NAV2: variants seen among roughly 807,000 people sequenced by gnomAD.
NAV2 encodes helicase, APC down-regulated 1.
NAV2 carries 54 observed loss-of-function variants against 223.2 expected under a neutral mutation model. The observed-to-expected ratio is 0.24, with a 90% CI of 0.19 to 0.30. The LOEUF is 0.30. NAV2 is among the 10% of genes least tolerant of loss of function. The pLI is 1.00. For missense variants in NAV2, 2,806 were observed against 3,147.5 expected (o/e 0.89, Z 2.60); for synonymous variants, 1,279 against 1,239.3 (o/e 1.03, Z -0.67).
intron 1 of NAV2, among the ~76,000 whole-genome samples, chr11:19,481,876 C>G (rs776974405): frequency 6.6e-6 from 1 of 152,196 alleles, no homozygotes; most frequent in African/African-American, 2.4e-5. Flanking sequence ...TGGAATCTAT[C>G]CCTTACTGAA....
chr11:19,773,300 G>T (rs918660891), intron 1 of NAV2, among the ~76,000 whole-genome samples: 4 of 152,188 alleles, frequency 2.6e-5, no homozygotes, highest in Non-Finnish European at 5.9e-5. Flanking sequence ...TGGAACAGAG[G>T]ACACCACTCA....
intron 1 of NAV2, among the ~76,000 whole-genome samples, chr11:19,397,707 G>A (rs1260764252): frequency 6.6e-6 from 1 of 152,164 alleles, no homozygotes; most frequent in East Asian, 1.9e-4. Flanking sequence ...ACAGAGAAAA[G>A]ATCAGCTCTT....
intron 5 of NAV2, among the ~76,000 whole-genome samples, chr11:19,881,068 C>CA (rs2063175382): frequency 6.6e-6 from 1 of 152,112 alleles, no homozygotes; most frequent in African/African-American, 2.4e-5. Context: ...TAAGGCTTCT[C>CA]ACACACCTTG....
At chr11:19,669,266 T>G (rs58648675) in intron 1 of NAV2, among the ~76,000 whole-genome samples, 1,566 of 152,316 alleles carry the variant, frequency 0.01, 35 homozygotes, top group East Asian at 0.068. Context: ...GCACTGTCAC[T>G]CCAGTGTTCT....
intron 1 of NAV2, among the ~76,000 whole-genome samples, chr11:19,807,020 A>C (rs919454719): frequency 2.6e-5 from 4 of 152,184 alleles, no homozygotes; most frequent in African/African-American, 9.7e-5. Context: ...TGTTTCTTAA[A>C]AGCTCCCCCA....
chr11:19,774,612 A>G (rs2055992402), intron 1 of NAV2, among the ~76,000 whole-genome samples: 1 of 152,178 alleles, frequency 6.6e-6, no homozygotes, highest in African/African-American at 2.4e-5. Flanking sequence ...ACACACACAT[A>G]CACACAGAGA....
chr11:20,068,821 A>G (rs1259104031), intron 22 of NAV2, among the ~76,000 whole-genome samples: 1 of 152,186 alleles, frequency 6.6e-6, no homozygotes. Context: ...TGTCATTGTG[A>G]TATACACGAT....
intron 1 of NAV2, among the ~76,000 whole-genome samples, chr11:19,761,965 G>A (rs920921477): frequency 6.6e-6 from 1 of 152,214 alleles, no homozygotes; most frequent in African/African-American, 2.4e-5. Context: ...AAATCTGGCT[G>A]GGTGCAGTGG....
intron 1 of NAV2, among the ~76,000 whole-genome samples, chr11:19,618,404 G>GAATA (rs1253231516): frequency 8.9e-4 from 33 of 37,082 alleles, no homozygotes; most frequent in South Asian, 2.3e-3. Flanking sequence ...ATGAATAGAT[G>GAATA]GATGGATGGA....
intron 1 of NAV2, among the ~76,000 whole-genome samples, chr11:19,406,729 C>A (rs576550856): frequency 6.6e-6 from 1 of 152,320 alleles, no homozygotes; most frequent in South Asian, 2.1e-4. Flanking sequence ...GGCTTCCCTG[C>A]CCCATCTCCC....
At chr11:20,096,313 T>G (rs1312742037) in intron 30 of NAV2, among the ~76,000 whole-genome samples, 2 of 152,224 alleles carry the variant, frequency 1.3e-5, no homozygotes, top group Non-Finnish European at 2.9e-5. Context: ...TTAGATTGGG[T>G]GTTTGCCATG....
intron 1 of NAV2, among the ~76,000 whole-genome samples, chr11:19,661,468 T>A (rs947691658): frequency 6.6e-6 from 1 of 152,178 alleles, no homozygotes; most frequent in Non-Finnish European, 1.5e-5. Flanking sequence ...CCTGGGTTTT[T>A]CTGTTTGTAC....
chr11:20,010,308 A>G (rs2053459879), intron 11 of NAV2, among the ~76,000 whole-genome samples: 1 of 152,084 alleles, frequency 6.6e-6, no homozygotes, highest in African/African-American at 2.4e-5. Context: ...CAGACCTTTG[A>G]TTTAGAGACT....
intron 1 of NAV2, among the ~76,000 whole-genome samples, chr11:19,807,433 T>C (rs2058632645): frequency 6.6e-6 from 1 of 152,212 alleles, no homozygotes; most frequent in African/African-American, 2.4e-5. Context: ...TGGGCCTTTC[T>C]TTTTTGGGGC....
In NAV2 at chr11:19,781,219, T is replaced by G. The variant is rs1565305691; in HGVS notation, c.268-51265T>G. Among the ~76,000 whole-genome samples the G allele has an allele frequency of 2.0e-5, 3 of 152,336 alleles. No individual in the cohort carries two copies. The South Asian group carries it at 6.2e-4, about 32-fold the overall frequency. The stretch of plus-strand genomic sequence containing the variant: ...TGATGGCAAAGGCTGTACCTTGAAC[T>G]GCTGTATCAGACACCCTGGATGCCT... On this transcript the variant is annotated intron_variant, in intron 1 of 37. Coordinates refer to ENST00000349880, the MANE Select transcript of NAV2 (RefSeq NM_145117.5).
intron 1 of NAV2, among the ~76,000 whole-genome samples, chr11:19,818,965 TCATCCACGCTTC>T (rs2059244515): frequency 1.3e-5 from 2 of 152,290 alleles, no homozygotes; most frequent in South Asian, 4.1e-4. Context: ...TTCCACCCAC[TCATCCACGCTTC>T]CATCCATCTG....
chr11:19,791,303 C>T (rs762165714), intron 1 of NAV2, among the ~76,000 whole-genome samples: 4 of 152,172 alleles, frequency 2.6e-5, no homozygotes, highest in East Asian at 1.9e-4. Flanking sequence ...GAGGGCAAGG[C>T]GTTGGAACCG....
At chr11:19,430,818 C>T (rs779832918) in intron 1 of NAV2, among the ~76,000 whole-genome samples, 7 of 152,244 alleles carry the variant, frequency 4.6e-5, no homozygotes, top group South Asian at 2.1e-4. Flanking sequence ...TGGAAAGGTC[C>T]GCTCCTCAGA....
At chr11:19,539,145 C>T (rs1395170600) in intron 1 of NAV2, among the ~76,000 whole-genome samples, 1 of 152,212 alleles carries the variant, frequency 6.6e-6, no homozygotes, top group African/African-American at 2.4e-5. Context: ...TCACAGTTTT[C>T]TCTAATTCTA....
Sources: gnomAD v4.1 joint callset for allele counts (sites outside exome capture counted in the v4.1 genomes callset) on GRCh38, gnomAD v4.1.1 for gene constraint, MANE v1.5 for transcripts, NCBI Gene and HGNC (gene_info 2026-07-23, HGNC 2026-07-21) for gene names.